The following DUT variants were observed in gnomAD, a reference collection of about 807,000 sequenced individuals.
The protein encoded by DUT is deoxyuridine triphosphatase, also known as deoxyuridine 5'-triphosphate nucleotidohydrolase, mitochondrial.
A neutral mutation model predicts 28.8 loss-of-function variants in DUT; 21 were observed. The observed-to-expected ratio is 0.73, with a 90% confidence interval of 0.52 to 1.05. The LOEUF is 1.05. DUT is among the 50% of genes least tolerant of loss of function. The probability of loss-of-function intolerance (pLI) is 0.00; values close to 1 mark genes in which losing one functional copy is unlikely to be tolerated. For synonymous variants in DUT, 147 were observed against 143.7 expected, an observed-to-expected ratio of 1.02 and a Z score of -0.17; for missense variants, 344 against 351.8, an observed-to-expected ratio of 0.98 and a Z score of 0.18.
At chr15:48,331,962 G>A (rs964654566) in intron 1 of DUT, 167 bp downstream of exon 1, 24 of 871,334 alleles carry the variant, frequency 2.8e-5, no homozygotes, top group Non-Finnish European at 3.9e-5. Flanking sequence ...GTGTGTGAGG[G>A]CGACGCCCTA....
chr15:48,337,686 A>G (rs28381125), intron 4 of DUT, among the ~76,000 whole-genome samples: 3,742 of 152,352 alleles, frequency 0.025, 111 homozygotes, highest in Admixed American at 0.07. Context: ...ATGTAAAAGA[A>G]TGGAAAGTTA....
chr15:48,332,545 C>T (rs189013611), intron 2 of DUT, 139 bp downstream of exon 2: 3 of 837,664 alleles, frequency 3.6e-6, no homozygotes, highest in Admixed American at 5.4e-5. Context: ...AAAATTTTAG[C>T]TTTCATCTTT....
At chr15:48,340,950 C>T (rs2042527773) in intron 4 of DUT, among the ~76,000 whole-genome samples, 1 of 152,112 alleles carries the variant, frequency 6.6e-6, no homozygotes, top group East Asian at 1.9e-4. Context: ...CCTTTAAAAC[C>T]CAAATCGTAA....
chr15:48,331,247 G>A, upstream of DUT: 1 of 1,474,692 alleles, frequency 6.8e-7, no homozygotes, highest in Non-Finnish European at 8.9e-7. Context: ...GAAAAATGGG[G>A]GCCAGAGCAA....
rs1566876314 is a variant in DUT at position 48,342,866 on chromosome 15, A to G, written c.*788A>G. 6.6e-6 allele frequency: 1 copy of G among 152,236 alleles called. No individual in the cohort carries two copies. Among genetic ancestry groups the G allele is most frequent in the East Asian group, 1.9e-4 (1 of 5,200 alleles). 9.4% of individuals were successfully genotyped at this position (152,236 alleles called of 1,614,324 possible). A position where few individuals can be genotyped will look rare whatever the true frequency, so the allele number is the denominator to read the frequency against. ...GTAATCAAGAAAATATGCCATTTATAGAGATAAGATAAATGAAATAATACT... is the reference window on the plus strand; with the variant it reads ...GTAATCAAGAAAATATGCCATTTATGGAGATAAGATAAATGAAATAATACT... On this transcript the variant is annotated 3_prime_UTR_variant, in exon 7 of 7. Coordinates refer to ENST00000331200, the MANE Select transcript of DUT (RefSeq NM_001025248.2).
intron 4 of DUT, among the ~76,000 whole-genome samples, chr15:48,340,653 A>G (rs1261076714): frequency 1.3e-5 from 2 of 152,184 alleles, no homozygotes; most frequent in Non-Finnish European, 2.9e-5. Flanking sequence ...AGTATTAATT[A>G]CACAAAAAAA....
chr15:48,331,882 C>A, intron 1 of DUT, 87 bp downstream of exon 1: 1 of 233,578 alleles, frequency 4.3e-6, no homozygotes, highest in Non-Finnish European at 6.0e-6. Flanking sequence ...GCGAGCGGTC[C>A]TTCTGCGCGC....
intron 4 of DUT, among the ~76,000 whole-genome samples, chr15:48,340,454 A>G (rs1215570079): frequency 6.6e-6 from 1 of 152,218 alleles, no homozygotes; most frequent in Non-Finnish European, 1.5e-5. Flanking sequence ...TTATTTATCA[A>G]TATAAAAAAA....
intron 4 of DUT, among the ~76,000 whole-genome samples, chr15:48,339,893 T>C (rs1471213608): frequency 2.0e-5 from 3 of 152,154 alleles, no homozygotes; most frequent in Non-Finnish European, 2.9e-5. Context: ...AAATCTAAAA[T>C]GTTGTTTTTG....
At position 48,331,429 on chromosome 15, in the gene DUT, G is replaced by T; in HGVS notation, c.-87G>T. ...CGGCTGCGACTGCTTCCGAGGTCATGTTCCCAGGACGGGCGCGTCTTCAGG... is the reference window on the plus strand; with the variant it reads ...CGGCTGCGACTGCTTCCGAGGTCATTTTCCCAGGACGGGCGCGTCTTCAGG... On this transcript the variant is annotated 5_prime_UTR_variant, in exon 1 of 7. Coordinates refer to ENST00000331200, the MANE Select transcript of DUT (RefSeq NM_001025248.2). 1 of 1,564,520 alleles carries T rather than the reference G, an allele frequency of 6.4e-7. No homozygotes were observed. Among genetic ancestry groups the T allele is most frequent in the South Asian group, 1.2e-5 (1 of 83,912 alleles).
upstream of DUT, chr15:48,331,404 C>A: frequency 6.7e-7 from 1 of 1,502,458 alleles, no homozygotes; most frequent in Non-Finnish European, 8.9e-7. Context: ...CGTCCGGCGG[C>A]GGCTGCGACT....
rs1189310006 is a variant in DUT, at chr15:48,332,020, A to G, written c.280+225A>G. ...CCCACGCGCTGAATGTGGAAAGTTGACTGGGACCCAGTAGTTTCCCATCCC... is the reference window on the plus strand; with the variant it reads ...CCCACGCGCTGAATGTGGAAAGTTGGCTGGGACCCAGTAGTTTCCCATCCC... On this transcript the variant is annotated intron_variant, in intron 1 of 6. Coordinates refer to ENST00000331200, the MANE Select transcript of DUT (RefSeq NM_001025248.2). 1.1e-5 allele frequency: 11 copies of G among 967,224 alleles called. No homozygotes were observed. The East Asian group carries it at 2.9e-4, about 25-fold the overall frequency. The allele number at this position is 967,224 out of a possible 1,614,324, so 59.9% of individuals were successfully genotyped here.
chr15:48,341,727 AG>A, intron 6 of DUT, 142 bp downstream of exon 6: 1 of 716,708 alleles, frequency 1.4e-6, no homozygotes, highest in Non-Finnish European at 2.3e-6. Context: ...TTAAAATACT[AG>A]TTTTAGAATT....
intron 2 of DUT, 193 bp downstream of exon 2, chr15:48,332,599 T>A: frequency 2.9e-6 from 2 of 694,870 alleles, no homozygotes; most frequent in Non-Finnish European, 5.1e-6. Context: ...GCAGAATAAG[T>A]AAAATAGCTA....
At chr15:48,341,019 A>G in intron 4 of DUT, 1 of 296,660 alleles carries the variant, frequency 3.4e-6, no homozygotes, top group Non-Finnish European at 6.2e-6. Flanking sequence ...GGAGATGGCC[A>G]TTGCTACTGC....
At chr15:48,335,268 A>G (rs1341562639) in intron 3 of DUT, among the ~76,000 whole-genome samples, 1 of 151,912 alleles carries the variant, frequency 6.6e-6, no homozygotes, top group Non-Finnish European at 1.5e-5. Flanking sequence ...GATTTAAATT[A>G]TTCTAAAATA....
chr15:48,334,450 A>G lies in DUT; in HGVS notation c.453A>G (p.Lys151=), dbSNP rs28381112. 0.012 allele frequency: 19,295 copies of G among 1,610,792 alleles called. 494 individuals carry two copies. Among genetic ancestry groups the G allele is most frequent in the Admixed American group, 0.087 (5,198 of 59,954 alleles). The change falls in exon 3 of 7, where the codon AAA becomes AAG. Residue 151 remains lysine (K), a synonymous_variant. Transcript: ENST00000331200. The stretch of plus-strand genomic sequence containing the variant: ...ATTACACAATACCACCTATGGAGAA[A>G]GCTGTTGTGAAAACGGACATTCAGA... ...AYDYTIPPME[K]AVVKTDIQIA...
chr15:48,335,219 G>A (rs1210682576), intron 3 of DUT, among the ~76,000 whole-genome samples: 1 of 152,128 alleles, frequency 6.6e-6, no homozygotes, highest in Non-Finnish European at 1.5e-5. Context: ...TGAAATAAAG[G>A]TTAGTACAGA....
chr15:48,336,400 G>A (rs1489751257), intron 4 of DUT, among the ~76,000 whole-genome samples: 1 of 152,116 alleles, frequency 6.6e-6, no homozygotes, highest in Non-Finnish European at 1.5e-5. Flanking sequence ...CTTCATAAGA[G>A]AGCTATCTGT....
Sources: gnomAD v4.1 joint callset for allele counts (sites outside exome capture counted in the v4.1 genomes callset) on GRCh38, gnomAD v4.1.1 for gene constraint, MANE v1.5 for transcripts, NCBI Gene and HGNC (gene_info 2026-07-23, HGNC 2026-07-21) for gene names.